LRFN5: variants seen among roughly 807,000 people sequenced by gnomAD.
LRFN5 encodes the protein leucine rich repeat and fibronectin type III domain containing 5.
A neutral mutation model predicts 45.6 loss-of-function variants in LRFN5; 24 were observed. The observed-to-expected ratio is 0.53, with a 90% CI of 0.38 to 0.74. LRFN5 has a LOEUF of 0.74. LRFN5 is among the 30% of genes least tolerant of loss of function. The pLI is 0.00. For missense variants in LRFN5, 776 were observed against 861.5 expected (o/e 0.90, Z 1.24); for synonymous variants, 340 against 313.8 (o/e 1.08, Z -0.88).
chr14:41,893,619 G>T, intron 4 of LRFN5: 1 of 985,212 alleles, frequency 1.0e-6, no homozygotes, highest in Non-Finnish European at 1.2e-6. Flanking sequence ...TTTCCTTCTG[G>T]TAGAAGCATA....
At chr14:41,624,361 C>G (rs900793945) in intron 1 of LRFN5, among the ~76,000 whole-genome samples, 3 of 151,960 alleles carry the variant, frequency 2.0e-5, no homozygotes, top group African/African-American at 4.8e-5. Flanking sequence ...TGTTCATAAT[C>G]ATGAACAAGG....
At chr14:41,736,176 G>T (rs1349689006) in intron 1 of LRFN5, among the ~76,000 whole-genome samples, 3 of 152,088 alleles carry the variant, frequency 2.0e-5, no homozygotes, top group East Asian at 1.9e-4. Flanking sequence ...TTGAGGAATT[G>T]CCACACTGTC....
intron 1 of LRFN5, among the ~76,000 whole-genome samples, chr14:41,742,337 A>T (rs887048226): frequency 2.4e-4 from 36 of 149,800 alleles, no homozygotes; most frequent in African/African-American, 7.9e-4. Flanking sequence ...ACACACACAC[A>T]CACACACACT....
intron 2 of LRFN5, among the ~76,000 whole-genome samples, chr14:41,788,165 CAG>C (rs1886795558): frequency 3.3e-5 from 5 of 152,104 alleles, no homozygotes; most frequent in Admixed American, 3.3e-4. Flanking sequence ...TCAGCCCAAG[CAG>C]AGTTATATTA....
At chr14:41,757,755 C>G (rs534235248) in intron 1 of LRFN5, among the ~76,000 whole-genome samples, 1 of 152,172 alleles carries the variant, frequency 6.6e-6, no homozygotes, top group South Asian at 2.1e-4. Context: ...GTGCGCTGCA[C>G]CCACTGTACT....
chr14:41,624,988 A>C (rs1170297059), intron 1 of LRFN5, among the ~76,000 whole-genome samples: 1 of 151,898 alleles, frequency 6.6e-6, no homozygotes, highest in Admixed American at 6.6e-5. Flanking sequence ...ATCAATTGCC[A>C]GTTTAATTTT....
chr14:41,866,347 T>C (rs879586264), intron 2 of LRFN5, among the ~76,000 whole-genome samples: 1 of 152,124 alleles, frequency 6.6e-6, no homozygotes, highest in Non-Finnish European at 1.5e-5. Context: ...AATTTTCTCA[T>C]CTTCTGTAGG....
At chr14:41,706,154 G>C (rs56061211) in intron 1 of LRFN5, among the ~76,000 whole-genome samples, 3,884 of 151,824 alleles carry the variant, frequency 0.026, 49 homozygotes, top group Middle Eastern at 0.037. Flanking sequence ...AGGCTGGAGT[G>C]CAATGGTGCG....
At position 41,794,169 on chromosome 14, in the gene LRFN5, A is replaced by G. The variant is rs183754570; in HGVS notation, c.-21+27140A>G. Among the ~76,000 whole-genome samples the G allele has an allele frequency of 1.5e-3, 235 of 152,178 alleles. 1 individual carries two copies. The highest frequency in any genetic ancestry group is 2.3e-3 in the East Asian group (12 of 5,146). ...GCTGTCCAGACATTTTACTGTTTACATTCTAGGATCTGCTACATTTATTCA... is the reference window on the plus strand; with the variant it reads ...GCTGTCCAGACATTTTACTGTTTACGTTCTAGGATCTGCTACATTTATTCA... On this transcript the variant is annotated intron_variant, in intron 2 of 5. Transcript: ENST00000298119.
intron 1 of LRFN5, among the ~76,000 whole-genome samples, chr14:41,647,651 A>C (rs2138611349): frequency 6.6e-6 from 1 of 152,316 alleles, no homozygotes; most frequent in South Asian, 2.1e-4. Context: ...GATATGGCTC[A>C]TCAGGAGGAT....
intron 2 of LRFN5, among the ~76,000 whole-genome samples, chr14:41,840,526 A>G (rs1338143039): frequency 1.3e-5 from 2 of 152,090 alleles, no homozygotes; most frequent in Non-Finnish European, 2.9e-5. Context: ...AGAATGTAAA[A>G]TGTTTTATTG....
At chr14:41,615,185 C>G (rs548612317) in intron 1 of LRFN5, among the ~76,000 whole-genome samples, 12 of 152,226 alleles carry the variant, frequency 7.9e-5, no homozygotes, top group African/African-American at 2.9e-4. Flanking sequence ...GTCATCTTGA[C>G]TAAGCTTGAG....
At chr14:41,808,639 G>C (rs2593767) in intron 2 of LRFN5, among the ~76,000 whole-genome samples, 1 of 151,118 alleles carries the variant, frequency 6.6e-6, no homozygotes, top group Non-Finnish European at 1.5e-5. Context: ...CAGAAATAGT[G>C]TACCCAATTG....
At chr14:41,893,135 G>A (rs1266156237) in intron 4 of LRFN5, 1 of 984,118 alleles carries the variant, frequency 1.0e-6, no homozygotes, top group Non-Finnish European at 1.2e-6. Context: ...AAATGCATTT[G>A]CTATTTTAAC....
chr14:41,784,279 C>G (rs1328277107), intron 2 of LRFN5, among the ~76,000 whole-genome samples: 1 of 152,118 alleles, frequency 6.6e-6, no homozygotes, highest in African/African-American at 2.4e-5. Flanking sequence ...ATAACACACT[C>G]ATAATTAGCA....
At position 41,766,984 on chromosome 14, in the gene LRFN5, A is replaced by T. The variant is rs1885908228; in HGVS notation, c.-66A>T. On this transcript the variant is annotated 5_prime_UTR_variant, in exon 2 of 6. Coordinates refer to ENST00000298119, the MANE Select transcript of LRFN5 (RefSeq NM_152447.5). Reference sequence around the variant, plus strand: ...TCCGTCTTCTGCAGCAGCCAGGCAGAGTGCCGACTCCTTCACAGCCGTGAG... The same window carrying T: ...TCCGTCTTCTGCAGCAGCCAGGCAGTGTGCCGACTCCTTCACAGCCGTGAG... 6.6e-6 allele frequency: 1 copy of T among 152,616 alleles called. No homozygotes were observed. The highest frequency in any genetic ancestry group is 2.1e-4 in the South Asian group (1 of 4,832). 9.5% of individuals were successfully genotyped at this position (152,616 alleles called of 1,614,324 possible). A position where few individuals can be genotyped will look rare whatever the true frequency, so the allele number is the denominator to read the frequency against.
chr14:41,774,380 A>G (rs1316266486), intron 2 of LRFN5, among the ~76,000 whole-genome samples: 1 of 152,222 alleles, frequency 6.6e-6, no homozygotes, highest in African/African-American at 2.4e-5. Flanking sequence ...TCTTATCAAT[A>G]TGAAACAGAA....
intron 2 of LRFN5, among the ~76,000 whole-genome samples, chr14:41,802,052 A>G (rs141091098): frequency 9.3e-4 from 141 of 152,272 alleles, no homozygotes; most frequent in African/African-American, 2.8e-3. Context: ...AATTTTTTGC[A>G]ACTGATTTAA....
intron 2 of LRFN5, among the ~76,000 whole-genome samples, chr14:41,821,646 A>T (rs1215588749): frequency 6.6e-6 from 1 of 151,776 alleles, no homozygotes; most frequent in Non-Finnish European, 1.5e-5. Context: ...AGCTTTGTAG[A>T]ATGGGGTATG....
Sources: gnomAD v4.1 joint callset for allele counts (sites outside exome capture counted in the v4.1 genomes callset) on GRCh38, gnomAD v4.1.1 for gene constraint, MANE v1.5 for transcripts, NCBI Gene and HGNC (gene_info 2026-07-23, HGNC 2026-07-21) for gene names.